Variants in NSUN5 observed in about 807,000 individuals in gnomAD.
NSUN5 encodes NOP2/Sun RNA methyltransferase 5.
Under a neutral mutation model 51.1 loss-of-function variants are expected in NSUN5, and 39 were observed. That is an observed-to-expected ratio of 0.76 (90% confidence interval 0.59 to 1.00). NSUN5 has a LOEUF of 1.00. NSUN5 is among the 50% of genes least tolerant of loss of function. The pLI, the probability that NSUN5 is intolerant of heterozygous loss-of-function variation, is 0.00. For synonymous variants in NSUN5, 266 were observed against 271.5 expected (o/e 0.98, Z 0.20); for missense variants, 526 against 614.0 (o/e 0.86, Z 1.51).
chr7:73,307,790 A>G (rs1554542166), intron 2 of NSUN5, 33 bp from the exon 3 acceptor site: 2 of 1,517,454 alleles, frequency 1.3e-6, no homozygotes, highest in African/African-American at 2.8e-5. Flanking sequence ...AAAAACAAAA[A>G]TGCCCTAAGC....
chr7:73,303,769 T>A (rs559054153), intron 8 of NSUN5, 29 bp from the exon 9 acceptor site: 1 of 1,613,478 alleles, frequency 6.2e-7, no homozygotes, highest in East Asian at 2.2e-5. Flanking sequence ...CAATGCTGGG[T>A]AAGAGAGCAG....
chr7:73,304,663 G>A lies in NSUN5; in HGVS notation c.755+84C>T, dbSNP rs568108733. The stretch of plus-strand genomic sequence containing the variant: ...TTGGTGCAGCAAGAAAGACTTAAGC[G>A]AAAGTCATCCTTTCAGCCTTCATTA... On this transcript the variant is annotated intron_variant, in intron 6 of 9. Coordinates refer to ENST00000438747, the MANE Select transcript of NSUN5 (RefSeq NM_148956.4). The A allele has an allele frequency of 1.5e-4, 186 of 1,215,938 alleles. 2 individuals are homozygous for A. In the South Asian group the frequency reaches 2.1e-3, roughly 14 times the overall value. 75.3% of individuals were successfully genotyped at this position (1,215,938 alleles called of 1,614,324 possible). A position where few individuals can be genotyped will look rare whatever the true frequency, so the allele number is the denominator to read the frequency against.
At chr7:73,306,710 T>A (rs1804054699) in intron 4 of NSUN5, among the ~76,000 whole-genome samples, 1 of 152,044 alleles carries the variant, frequency 6.6e-6, no homozygotes, top group Non-Finnish European at 1.5e-5. Flanking sequence ...TGAAACCTCA[T>A]CTCTACTGCA....
rs1804098988 is a variant in NSUN5, at chr7:73,307,649, G to A, written c.325C>T (p.Leu109Phe). 2 of 1,610,244 alleles carry A rather than the reference G, an allele frequency of 1.2e-6. No individual in the cohort carries two copies. Among genetic ancestry groups the A allele is most frequent in the African/African-American group, 1.4e-5 (1 of 73,554 alleles). The change falls in exon 3 of 10, where the codon CTC (leucine) becomes TTC (phenylalanine). Residue 109 changes from leucine (L) to phenylalanine (F), a missense_variant. Leu to Phe is a conservative substitution (Grantham distance 22). Coordinates refer to ENST00000438747, the MANE Select transcript of NSUN5 (RefSeq NM_148956.4). Reference protein sequence around the residue: ...QARLKAELARLKVHRGVSRNE... With the variant: ...QARLKAELARFKVHRGVSRNE... ...CGGCTCACACCCCGATGAACCTTGAGCCGAGCCAACTCAGCCTTGAGCCTC... is the reference window on the plus strand; with the variant it reads ...CGGCTCACACCCCGATGAACCTTGAACCGAGCCAACTCAGCCTTGAGCCTC...
chr7:73,307,785 CA>C (rs1563292757), intron 2 of NSUN5, 28 bp from the exon 3 acceptor site: 1 of 1,521,534 alleles, frequency 6.6e-7, no homozygotes, highest in South Asian at 1.2e-5. Flanking sequence ...AAGACAAAAA[CA>C]AAAATGCCCT....
At position 73,302,870 on chromosome 7, in the gene NSUN5, C is replaced by T. The variant is rs1173872587; in HGVS notation, c.*545G>A. The T allele has an allele frequency of 5.9e-6, 6 of 1,019,882 alleles. No homozygotes were observed. Among genetic ancestry groups the T allele is most frequent in the East Asian group, 8.6e-5 (1 of 11,670 alleles). The allele number at this position is 1,019,882 out of a possible 1,614,324, so 63.2% of individuals were successfully genotyped here. ...TCTGATCCTCGTTAATACCTGGCTG[C>T]GTGTGCAGCTGAGGAGGGAGTGAAC... On this transcript the variant is annotated 3_prime_UTR_variant, in exon 10 of 10. Coordinates refer to ENST00000438747, the MANE Select transcript of NSUN5 (RefSeq NM_148956.4).
intron 2 of NSUN5, chr7:73,308,097 G>A (rs531527548): frequency 4.3e-5 from 20 of 461,666 alleles, no homozygotes; most frequent in African/African-American, 3.9e-4. Context: ...GCAGTGGCCA[G>A]ATCATAGCTC....
Position 73,303,218 on chromosome 7 carries a change from G to A in NSUN5, c.*197C>T, listed in dbSNP as rs1554540935. 5.9e-6 allele frequency: 9 copies of A among 1,514,088 alleles called. No homozygotes were observed. In the East Asian group the frequency reaches 2.1e-4, roughly 35 times the overall value. 93.8% of individuals were successfully genotyped at this position (1,514,088 alleles called of 1,614,324 possible). On this transcript the variant is annotated 3_prime_UTR_variant, in exon 10 of 10. Transcript: ENST00000438747. Reference sequence around the variant, plus strand: ...CTTGTGACATTAAGAATAAAAAACTGTGATCTATCGTAGAGTACGTTCTGC... The same window carrying A: ...CTTGTGACATTAAGAATAAAAAACTATGATCTATCGTAGAGTACGTTCTGC...
rs570551744 is a variant in NSUN5 at position 73,305,083 on chromosome 7, C to T, written c.515G>A (p.Arg172Gln). The T allele has an allele frequency of 3.1e-4, 506 of 1,609,660 alleles. 1 individual carries two copies. The highest frequency in any genetic ancestry group is 5.4e-4 in the Middle Eastern group (3 of 5,584). ...QGRASSLDDL[R>Q]ALKGKHFLLD... Reference sequence around the variant, plus strand: ...GAGAAAATGCTTCCCCTTGAGGGCTCGTAAGTCATCGAGGCTGCCAGGGAA... The same window carrying T: ...GAGAAAATGCTTCCCCTTGAGGGCTTGTAAGTCATCGAGGCTGCCAGGGAA... The change falls in exon 5 of 10, where the codon CGA becomes CAA. Residue 172 changes from arginine (R) to glutamine (Q), a missense_variant. By Grantham distance (43) the Arg-to-Gln change is conservative. Coordinates refer to ENST00000438747, the MANE Select transcript of NSUN5 (RefSeq NM_148956.4).
rs782068075 is a variant in NSUN5, at chr7:73,303,682, C to A, written c.1204G>T (p.Glu402Ter). ...TCAGGGGAGGCCCGGAGGCAGTGCTCGGCACCCGGGAACGTGCTCAGGCCT... is the reference window on the plus strand; with the variant it reads ...TCAGGGGAGGCCCGGAGGCAGTGCTAGGCACCCGGGAACGTGCTCAGGCCT... Reference protein sequence around the residue: ...HRGLSTFPGAEHCLRASPETT... With the variant: ...HRGLSTFPGA Residue 402 changes from glutamate to a stop codon, truncating the protein, a stop_gained, in exon 9 of 10, where the codon GAG becomes TAG. Transcript: ENST00000438747. LOFTEE classifies it high-confidence loss of function. 1.2e-6 allele frequency: 2 copies of A among 1,614,148 alleles called. No homozygotes were observed. Among genetic ancestry groups the A allele is most frequent in the Non-Finnish European group, 1.7e-6 (2 of 1,180,020 alleles).
At position 73,303,011 on chromosome 7, in the gene NSUN5, G is replaced by A. The variant is rs181181162; in HGVS notation, c.*404C>T. 10 of 1,261,512 alleles carry A rather than the reference G, an allele frequency of 7.9e-6. No homozygotes were observed. Among genetic ancestry groups the A allele is most frequent in the Non-Finnish European group, 1.0e-5 (10 of 994,586 alleles). The allele number at this position is 1,261,512 out of a possible 1,614,324, so 78.1% of individuals were successfully genotyped here. Reference sequence around the variant, plus strand: ...CCTCCTAGTGTCAGCACCTGAGCTAGTTTACCTCAGTTCCGCAGGCAGGAC... The same window carrying A: ...CCTCCTAGTGTCAGCACCTGAGCTAATTTACCTCAGTTCCGCAGGCAGGAC... On this transcript the variant is annotated 3_prime_UTR_variant, in exon 10 of 10. Coordinates refer to ENST00000438747, the MANE Select transcript of NSUN5 (RefSeq NM_148956.4).
Position 73,304,970 on chromosome 7 carries a change from G to A in NSUN5, c.628C>T (p.Leu210=), listed in dbSNP as rs574850358. 40 of 1,612,100 alleles carry A rather than the reference G, an allele frequency of 2.5e-5. No individual in the cohort carries two copies. In the East Asian group the frequency reaches 5.1e-4, roughly 21 times the overall value. Residue 210 remains leucine, a synonymous_variant, in exon 5 of 10, where the codon CTG becomes TTG. Transcript: ENST00000438747. Reference sequence around the variant, plus strand: ...TTCCTCTTGCCTACCCTGTCCTGCAGAATGAGGTGTCCGGCCCGGTACAGT... The same window carrying A: ...TTCCTCTTGCCTACCCTGTCCTGCAAAATGAGGTGTCCGGCCCGGTACAGT... The part of the protein sequence containing the change: ...HPLYRAGHLI[L]QDRASCLPAM...
rs527394153 is a variant in NSUN5 at position 73,307,371 on chromosome 7, C to T, written c.500+23G>A. 3.8e-6 allele frequency: 6 copies of T among 1,565,342 alleles called. No individual in the cohort carries two copies. The Admixed American group carries it at 5.0e-5, about 13-fold the overall frequency. On this transcript the variant is annotated intron_variant, in intron 4 of 9. Transcript: ENST00000438747. ...CCCCAGACACCTCCCTAGATGAGGA[C>T]AGCCAGGGCTCTAAGCTCTCACCTG...
chr7:73,306,244 C>T (rs1167728178), intron 4 of NSUN5, among the ~76,000 whole-genome samples: 4 of 151,650 alleles, frequency 2.6e-5, no homozygotes, highest in Admixed American at 6.6e-5. Flanking sequence ...ATTAGCCGGG[C>T]GTGGTGCTGC....
At chr7:73,307,806 G>C (rs782702717) in intron 2 of NSUN5, 49 bp from the exon 3 acceptor site, 1 of 1,482,934 alleles carries the variant, frequency 6.7e-7, no homozygotes, top group African/African-American at 1.4e-5. Context: ...TAAGCATGAA[G>C]CATGAATGCC....
rs1231410791 is a variant in NSUN5, at chr7:73,304,597, A to T, written c.755+150T>A. ...TAAGGGATCCACATCTCACACCTGC[A>T]GTGGGGAAAGCTTAGCTTGGGGCAA... On this transcript the variant is annotated intron_variant, in intron 6 of 9. Coordinates refer to ENST00000438747, the MANE Select transcript of NSUN5 (RefSeq NM_148956.4). 9.5e-6 allele frequency: 8 copies of T among 845,278 alleles called. No individual in the cohort carries two copies. The African/African-American group carries it at 1.3e-4, about 14-fold the overall frequency. The allele number at this position is 845,278 out of a possible 1,614,324, so 52.4% of individuals were successfully genotyped here.
Position 73,308,761 on chromosome 7 carries a change from C to T in NSUN5, c.30G>A (p.Val10=), listed in dbSNP as rs201212455. Reference sequence around the variant, plus strand: ...CCTGGCGGCTCTCCACGCCGGCCAACACGCCTGCAGCTGCAGCATACAGCC... The same window carrying T: ...CCTGGCGGCTCTCCACGCCGGCCAATACGCCTGCAGCTGCAGCATACAGCC... MGLYAAAAG[V]LAGVESRQGS... is the part of the protein sequence containing the mutation. Residue 10 remains valine, a synonymous_variant, in exon 1 of 10, where the codon GTG becomes GTA. Coordinates refer to ENST00000438747, the MANE Select transcript of NSUN5 (RefSeq NM_148956.4). 1.2e-6 allele frequency: 2 copies of T among 1,613,076 alleles called. No homozygotes were observed. The highest frequency in any genetic ancestry group is 3.3e-5 in the Admixed American group (2 of 60,030).
chr7:73,304,910 G>T, intron 5 of NSUN5, 48 bp from the exon 6 acceptor site: 1 of 1,612,820 alleles, frequency 6.2e-7, no homozygotes, highest in Non-Finnish European at 8.5e-7. Flanking sequence ...CCCAGGCTAG[G>T]CCCTTCCCGT....
intron 2 of NSUN5, chr7:73,308,059 G>A (rs1245071928): frequency 4.3e-6 from 2 of 460,894 alleles, no homozygotes; most frequent in Middle Eastern, 5.6e-4. Context: ...TTTAGAATGG[G>A]GTCTAGCTCT....
Sources: gnomAD v4.1 joint callset for allele counts (sites outside exome capture counted in the v4.1 genomes callset) on GRCh38, gnomAD v4.1.1 for gene constraint, MANE v1.5 for transcripts, NCBI Gene and HGNC (gene_info 2026-07-23, HGNC 2026-07-21) for gene names.